The following CHLSN variants were observed in gnomAD, a reference collection of about 807,000 sequenced individuals.
CHLSN encodes the protein cholesin.
the CHLSN span, chr7:1,127,271 C>T: frequency 6.3e-7 from 1 of 1,598,610 alleles, no homozygotes; most frequent in East Asian, 2.2e-5. Context: ...GAGCCGGCTC[C>T]TTCGCCACTT....
the CHLSN span, chr7:988,173 T>C: frequency 7.6e-7 from 1 of 1,324,398 alleles, no homozygotes; most frequent in Non-Finnish European, 1.0e-6. Flanking sequence ...ACACCAGGTG[T>C]GGTGGGTGTG....
At chr7:1,041,902 C>A in the CHLSN span, among the ~76,000 whole-genome samples, 1 of 152,244 alleles carries the variant, frequency 6.6e-6, no homozygotes, top group East Asian at 1.9e-4. Context: ...TGCAGCTGAC[C>A]TTCCGGACCG....
the CHLSN span, among the ~76,000 whole-genome samples, chr7:1,016,562 C>T: frequency 0.026 from 3,792 of 144,560 alleles, 476 homozygotes; most frequent in African/African-American, 0.08. Flanking sequence ...CGCACAGCAG[C>T]GCACACCAGT....
chr7:1,026,482 C>T, the CHLSN span: 2 of 152,366 alleles, frequency 1.3e-5, no homozygotes, highest in East Asian at 1.9e-4. Context: ...GAAGCCACCG[C>T]TAACTAGCAG....
chr7:979,725 A>T, the CHLSN span, among the ~76,000 whole-genome samples: 1 of 148,948 alleles, frequency 6.7e-6, no homozygotes, highest in East Asian at 2.0e-4. Flanking sequence ...AGAGAGGGAA[A>T]CTCCGTCTCA....
the CHLSN span, among the ~76,000 whole-genome samples, chr7:1,035,508 A>T: frequency 2.0e-5 from 3 of 152,256 alleles, no homozygotes; most frequent in East Asian, 5.8e-4. Flanking sequence ...GAACCAAAGA[A>T]GATTTACAGA....
At chr7:1,014,887 C>T in the CHLSN span, among the ~76,000 whole-genome samples, 1 of 152,254 alleles carries the variant, frequency 6.6e-6, no homozygotes, top group Non-Finnish European at 1.5e-5. Flanking sequence ...ATTCTGTCTA[C>T]AGCCCCTTCC....
the CHLSN span, chr7:988,806 C>A: frequency 1.3e-6 from 2 of 1,583,220 alleles, no homozygotes; most frequent in South Asian, 2.2e-5. Flanking sequence ...GCCCTGTGTG[C>A]GGTGCCCAGG....
the CHLSN span, among the ~76,000 whole-genome samples, chr7:1,051,079 G>A: frequency 3.3e-5 from 5 of 152,200 alleles, no homozygotes; most frequent in South Asian, 2.1e-4. Flanking sequence ...CCCCTGCGTC[G>A]CAGAGGGCAC....
At chr7:987,350 G>C in the CHLSN span, 1 of 1,576,288 alleles carries the variant, frequency 6.3e-7, no homozygotes, top group Non-Finnish European at 8.6e-7. Context: ...GCCCCAGGCC[G>C]GGTGCAGGAG....
At chr7:1,127,582 A>G in the CHLSN span, among the ~76,000 whole-genome samples, 2 of 151,362 alleles carry the variant, frequency 1.3e-5, no homozygotes, top group East Asian at 1.9e-4. Context: ...ACATTTTGGT[A>G]TATTTCCTTT....
At chr7:1,114,479 C>A in the CHLSN span, among the ~76,000 whole-genome samples, 1 of 152,230 alleles carries the variant, frequency 6.6e-6, no homozygotes, top group Non-Finnish European at 1.5e-5. Context: ...GAAACTTCAG[C>A]CCCCTGGTCA....
chr7:1,054,219 G>A, the CHLSN span, among the ~76,000 whole-genome samples: 7 of 152,328 alleles, frequency 4.6e-5, no homozygotes, highest in East Asian at 1.9e-4. Context: ...GGGCCAACAC[G>A]CAAAGCGCGT....
chr7:1,034,586 A>C, the CHLSN span, among the ~76,000 whole-genome samples: 3 of 152,178 alleles, frequency 2.0e-5, no homozygotes, highest in African/African-American at 7.2e-5. Context: ...TGAACCCAGG[A>C]GGTGCCCCAT....
chr7:1,036,470 T>C, the CHLSN span, among the ~76,000 whole-genome samples: 3 of 148,940 alleles, frequency 2.0e-5, no homozygotes, highest in Non-Finnish European at 4.5e-5. Context: ...CCGTGTAGGG[T>C]TCGGGTGCTC....
At chr7:999,821 G>A in the CHLSN span, among the ~76,000 whole-genome samples, 24,897 of 152,246 alleles carry the variant, frequency 0.16, 2,469 homozygotes, top group Admixed American at 0.22. Context: ...CAGCAGAACC[G>A]TGGGCTCCTC....
the CHLSN span, chr7:997,810 C>CGGGAAAGA: frequency 6.3e-7 from 1 of 1,599,518 alleles, no homozygotes; most frequent in Non-Finnish European, 8.5e-7. Flanking sequence ...GGAACCTGGA[C>CGGGAAAGA]GGGAAAGAGA....
the CHLSN span, among the ~76,000 whole-genome samples, chr7:1,131,839 G>A: frequency 6.6e-6 from 1 of 152,166 alleles, no homozygotes; most frequent in Admixed American, 6.5e-5. Flanking sequence ...TTATGGAAAG[G>A]TTCCTTTTAA....
chr7:1,017,513 A>G, the CHLSN span, among the ~76,000 whole-genome samples: 1 of 152,078 alleles, frequency 6.6e-6, no homozygotes, highest in Non-Finnish European at 1.5e-5. Context: ...TGTCGCTGCC[A>G]TCGGGCCCTT....
Sources: allele counts gnomAD v4.1 joint callset (sites outside exome capture counted in the v4.1 genomes callset), GRCh38; gene constraint gnomAD v4.1.1; transcripts MANE v1.5; gene names NCBI Gene and HGNC (gene_info 2026-07-23, HGNC 2026-07-21).